GORASP2: variants seen among roughly 807,000 people sequenced by gnomAD.
The protein encoded by GORASP2 is golgi reassembly stacking protein 2.
Under a neutral mutation model 45.7 loss-of-function variants are expected in GORASP2, and 22 were observed. The observed-to-expected ratio is 0.48, with a 90% CI of 0.34 to 0.69. The LOEUF (loss-of-function observed/expected upper bound fraction) is 0.69, where lower values mean the gene tolerates loss of function less well. Ranked by LOEUF, GORASP2 falls within the 30% of genes least tolerant of loss-of-function variation. The pLI is 0.01. For missense variants in GORASP2, 491 were observed against 562.7 expected, an observed-to-expected ratio of 0.87 and a Z score of 1.29; for synonymous variants, 221 against 215.6, an observed-to-expected ratio of 1.02 and a Z score of -0.22.
At chr2:170,937,752 G>C (rs1703988981) in intron 1 of GORASP2, among the ~76,000 whole-genome samples, 1 of 152,202 alleles carries the variant, frequency 6.6e-6, no homozygotes, top group African/African-American at 2.4e-5. Context: ...GGCCGAGGCA[G>C]AGTATTACTT....
At chr2:170,956,617 A>C in intron 7 of GORASP2, 58 bp downstream of exon 7, 1 of 1,462,940 alleles carries the variant, frequency 6.8e-7, no homozygotes, top group Non-Finnish European at 9.3e-7. Flanking sequence ...ATTGCATAGA[A>C]TTTTAAAAAT....
intron 7 of GORASP2, among the ~76,000 whole-genome samples, chr2:170,960,405 A>T (rs1360429025): frequency 6.6e-6 from 1 of 152,242 alleles, no homozygotes; most frequent in Non-Finnish European, 1.5e-5. Flanking sequence ...CCTGAAGCCC[A>T]CTTGTGGGCC....
chr2:170,954,702 T>A lies in GORASP2; in HGVS notation c.619T>A (p.Phe207Ile). ...GYLHRIPTRP[F>I]EEGKKISLPG... ...TTTGCATCGAATACCTACACGCCCATTTGAGGAAGGAAAGAAAATTTCTCT... is the reference window on the plus strand; with the variant it reads ...TTTGCATCGAATACCTACACGCCCAATTGAGGAAGGAAAGAAAATTTCTCT... Residue 207 changes from phenylalanine (F) to isoleucine (I), a missense_variant, in exon 6 of 10, where the codon TTT becomes ATT. Physicochemically the swap from Phe to Ile is conservative, Grantham distance 21. Around this residue, in one of 2 missense-constraint regions of GORASP2, gnomAD observed 194 missense variants for 270.4 expected, o/e 0.72. Coordinates refer to ENST00000234160, the MANE Select transcript of GORASP2 (RefSeq NM_015530.5). The A allele has an allele frequency of 1.9e-6, 3 of 1,613,432 alleles. No homozygotes were observed. Among genetic ancestry groups the A allele is most frequent in the Non-Finnish European group, 2.5e-6 (3 of 1,179,380 alleles).
At position 170,951,399 on chromosome 2, in the gene GORASP2, C is replaced by T. The variant is rs1704295311; in HGVS notation, c.507C>T (p.Asp169=). The part of the protein sequence containing the change: ...KPLKLYVYNT[D]TDNCREVIIT... ...TGAAACTGTATGTGTACAACACAGA[C>T]ACTGATAACTGTCGAGAAGTGATTA... Residue 169 remains aspartate (D), a synonymous_variant, in exon 5 of 10, where the codon GAC becomes GAT. Transcript: ENST00000234160. 2 of 1,611,168 alleles carry T rather than the reference C, an allele frequency of 1.2e-6. No homozygotes were observed. The highest frequency in any genetic ancestry group is 1.7e-6 in the Non-Finnish European group (2 of 1,177,924).
At position 170,951,339 on chromosome 2, in the gene GORASP2, A is replaced by G. The variant is rs141501222; in HGVS notation, c.447A>G (p.Leu149=). The G allele has an allele frequency of 1.6e-5, 26 of 1,607,328 alleles. No individual in the cohort carries two copies. The African/African-American group carries it at 2.8e-4, about 17-fold the overall frequency. ...ADTVMNESED[L]FSLIETHEAK... is the part of the protein sequence containing the mutation. ...TGACACTTTTGCAGTCTGAAGATCT[A>G]TTCAGCCTTATCGAAACACATGAAG... is the stretch of plus-strand genomic sequence containing the variant. The change falls in exon 5 of 10, where the codon CTA becomes CTG. Residue 149 remains leucine (L), a synonymous_variant. Coordinates refer to ENST00000234160, the MANE Select transcript of GORASP2 (RefSeq NM_015530.5).
Position 170,950,298 on chromosome 2 carries a change from G to C in GORASP2, c.435+8G>C, listed in dbSNP as rs367836760. On this transcript the variant is annotated splice_region_variant and intron_variant, in intron 4 of 9. Coordinates refer to ENST00000234160, the MANE Select transcript of GORASP2 (RefSeq NM_015530.5). ...GATACAGTCATGAATGAGGTAATTC[G>C]TGTGTTTATTCATAGTGAGAACTAT... 7.2e-7 allele frequency: 1 copy of C among 1,387,482 alleles called. No homozygotes were observed. The highest frequency in any genetic ancestry group is 1.0e-6 in the Non-Finnish European group (1 of 996,972). 85.9% of individuals were successfully genotyped at this position (1,387,482 alleles called of 1,614,324 possible). A position where few individuals can be genotyped will look rare whatever the true frequency, so the allele number is the denominator to read the frequency against.
In GORASP2 at chr2:170,949,750, T is replaced by A. The variant is rs751228006; in HGVS notation, c.348+8T>A. On this transcript the variant is annotated splice_region_variant and intron_variant, in intron 3 of 9. Transcript: ENST00000234160. ...AATGTTTGGCATGTGCTGGTACGTA[T>A]CAACTGTGAACTGTTACTGGAGGTT... The A allele has an allele frequency of 5.7e-6, 9 of 1,587,590 alleles. No individual in the cohort carries two copies. Among genetic ancestry groups the A allele is most frequent in the Non-Finnish European group, 7.8e-6 (9 of 1,155,846 alleles).
chr2:170,964,816 G>A (rs556385741), intron 9 of GORASP2, among the ~76,000 whole-genome samples: 2 of 151,076 alleles, frequency 1.3e-5, no homozygotes, highest in East Asian at 3.9e-4. Context: ...GCTGGTGGTT[G>A]CCCTGAACCT....
At chr2:170,941,656 C>T (rs914306239) in intron 1 of GORASP2, among the ~76,000 whole-genome samples, 8 of 152,116 alleles carry the variant, frequency 5.3e-5, no homozygotes, top group Admixed American at 2.6e-4. Flanking sequence ...TTCTTTTGCT[C>T]GGATATTGCT....
intron 1 of GORASP2, among the ~76,000 whole-genome samples, chr2:170,934,493 C>T (rs1703899795): frequency 6.6e-6 from 1 of 152,014 alleles, no homozygotes; most frequent in Non-Finnish European, 1.5e-5. Context: ...CTCCTGACCT[C>T]AAGTGATCCA....
chr2:170,953,827 A>G (rs1330212323), intron 5 of GORASP2: 1 of 152,248 alleles, frequency 6.6e-6, no homozygotes, highest in East Asian at 1.9e-4. Flanking sequence ...CATTCATTCT[A>G]CTAAACCCAT....
In GORASP2 at chr2:170,939,510, G is replaced by A. The variant is rs564393354; in HGVS notation, c.64-8840G>A. On this transcript the variant is annotated intron_variant, in intron 1 of 9. Transcript: ENST00000234160. ...GCTTCAGTTACCTTTGGTCAACTGAGGTCCAAAAATATCAGATGGAAAATT... is the reference window on the plus strand; with the variant it reads ...GCTTCAGTTACCTTTGGTCAACTGAAGTCCAAAAATATCAGATGGAAAATT... 2.0e-5 allele frequency among the ~76,000 whole-genome samples: 3 copies of A among 152,118 alleles called. No homozygotes were observed. The South Asian group carries it at 6.2e-4, about 32-fold the overall frequency.
chr2:170,934,197 C>T (rs6729847), intron 1 of GORASP2, among the ~76,000 whole-genome samples: 90,646 of 151,106 alleles, frequency 0.6, 28,906 homozygotes, highest in East Asian at 0.95. Flanking sequence ...TAGTCATTGT[C>T]TTCTTTATTC....
At chr2:170,944,001 C>T (rs1027011511) in intron 1 of GORASP2, among the ~76,000 whole-genome samples, 1 of 152,120 alleles carries the variant, frequency 6.6e-6, no homozygotes, top group Non-Finnish European at 1.5e-5. Context: ...ACAAATTTAA[C>T]CTGTTCATTG....
At chr2:170,959,559 A>G (rs1340900936) in intron 7 of GORASP2, among the ~76,000 whole-genome samples, 3 of 152,236 alleles carry the variant, frequency 2.0e-5, no homozygotes, top group African/African-American at 7.2e-5. Context: ...GTGAGAAACA[A>G]CTTTTTGATG....
chr2:170,941,140 C>T (rs1400680455), intron 1 of GORASP2, among the ~76,000 whole-genome samples: 3 of 152,064 alleles, frequency 2.0e-5, no homozygotes, highest in East Asian at 1.9e-4. Flanking sequence ...ATTTCTTTCA[C>T]GCTGCTGTAG....
chr2:170,956,456 TC>T lies in GORASP2; in HGVS notation c.725del (p.Pro242ArgfsTer15). On this transcript the variant is annotated frameshift_variant, in exon 7 of 10. Coordinates refer to ENST00000234160, the MANE Select transcript of GORASP2 (RefSeq NM_015530.5). LOFTEE classifies it high-confidence loss of function. ...FTEVQLSSVNPPSLSPPGTTG... is the reference protein window; with the variant it reads ...FTEVQLSSVNXPSLSPPGTTG... ...GGAAGGTCCAGCTGTCCTCAGTTAA[TC>T]CCCCGTCTTTGTCACCACCAGGAAC... 6.2e-7 allele frequency: 1 copy of T among 1,612,474 alleles called. No individual in the cohort carries two copies.
intron 5 of GORASP2, 150 bp from the exon 6 acceptor site, chr2:170,954,500 T>A (rs1704375426): frequency 1.6e-6 from 1 of 623,402 alleles, no homozygotes; most frequent in African/African-American, 1.8e-5. Flanking sequence ...AATTTGTTTG[T>A]TTTTATCTTT....
At chr2:170,956,267 A>T (rs555034235) in intron 6 of GORASP2, among the ~76,000 whole-genome samples, 169 bp from the exon 7 acceptor site, 2 of 152,352 alleles carry the variant, frequency 1.3e-5, no homozygotes, top group African/African-American at 4.8e-5. Context: ...GGTCCGTGAC[A>T]TGTACCAAAA....
Sources: gnomAD v4.1 joint callset for allele counts (sites outside exome capture counted in the v4.1 genomes callset) on GRCh38, gnomAD v4.1.1 for gene constraint, gnomAD v4.1.1 regional missense constraint, MANE v1.5 for transcripts, NCBI Gene and HGNC (gene_info 2026-07-23, HGNC 2026-07-21) for gene names.